LRRC19: variants seen among roughly 807,000 people sequenced by gnomAD.
LRRC19 encodes leucine-rich repeat-containing protein 19.
In LRRC19, 33 loss-of-function variants were observed where a neutral mutation model predicts 33.3. The observed-to-expected ratio is 0.99, with a 90% CI of 0.75 to 1.33. The LOEUF (loss-of-function observed/expected upper bound fraction) is 1.33. Among genes scored for constraint, LRRC19 ranks in the 40% most tolerant of loss-of-function variants. The pLI, the probability that LRRC19 is intolerant of heterozygous loss-of-function variation, is 0.00. For missense variants in LRRC19, 463 were observed against 417.3 expected (o/e 1.11, Z -0.95); for synonymous variants, 184 against 152.3 (o/e 1.21, Z -1.53).
chr9:27,004,924 A>C (rs1587334505), intron 1 of LRRC19, among the ~76,000 whole-genome samples: 2 of 152,302 alleles, frequency 1.3e-5, no homozygotes, highest in South Asian at 4.1e-4. Context: ...ATAAAGTTTC[A>C]AGTACATGTT....
In LRRC19 at chr9:26,995,830, T is replaced by G; in HGVS notation, c.804A>C (p.Lys268Asn). 1.9e-6 allele frequency: 3 copies of G among 1,603,870 alleles called. No individual in the cohort carries two copies. The highest frequency in any genetic ancestry group is 2.6e-6 in the Non-Finnish European group (3 of 1,174,908). ...TRNSEHEPLG[K>N]SWAFLVGVVV... ...CAACACCAACAAGAAAAGCCCAACT[T>G]TTTCCAAGAGGTTCATGTTCTTTAA... is the stretch of plus-strand genomic sequence containing the variant. The change falls in exon 5 of 5, where the codon AAA (lysine) becomes AAC (asparagine). Residue 268 changes from lysine (K) to asparagine (N), a missense_variant. Lys to Asn is a moderately conservative substitution (Grantham distance 94). Coordinates refer to ENST00000380055, the MANE Select transcript of LRRC19 (RefSeq NM_022901.3).
intron 1 of LRRC19, among the ~76,000 whole-genome samples, 163 bp downstream of exon 1, chr9:27,005,429 T>C (rs12339723): frequency 0.027 from 3,756 of 137,200 alleles, 173 homozygotes; most frequent in African/African-American, 0.095. Flanking sequence ...TGGCCATGTC[T>C]CAGGTATATA....
intron 1 of LRRC19, among the ~76,000 whole-genome samples, chr9:27,001,722 C>G (rs1160129700): frequency 6.6e-6 from 1 of 152,000 alleles, no homozygotes; most frequent in East Asian, 1.9e-4. Context: ...ATTATTAACC[C>G]CTTTTTAGAT....
chr9:27,000,018 C>T (rs913482041), intron 1 of LRRC19, among the ~76,000 whole-genome samples: 1 of 152,076 alleles, frequency 6.6e-6, no homozygotes, highest in Non-Finnish European at 1.5e-5. Context: ...CCATTTCCCC[C>T]CAGCCACTGG....
intron 3 of LRRC19, 75 bp from the exon 4 acceptor site, chr9:26,996,574 A>G (rs1327515057): frequency 5.7e-6 from 6 of 1,059,014 alleles, no homozygotes; most frequent in Non-Finnish European, 7.4e-6. Flanking sequence ...TGTTTTATCT[A>G]GAATTTTTGA....
chr9:26,999,770 C>CA (rs1486706908), intron 1 of LRRC19, 67 bp from the exon 2 acceptor site: 1 of 339,604 alleles, frequency 2.9e-6, no homozygotes, highest in Non-Finnish European at 4.6e-6. Context: ...TCTGTTTATT[C>CA]TTTTTTTTTT....
At chr9:26,996,977 G>A (rs1383350041) in intron 3 of LRRC19, among the ~76,000 whole-genome samples, 1 of 152,042 alleles carries the variant, frequency 6.6e-6, no homozygotes, top group African/African-American at 2.4e-5. Flanking sequence ...TTGGGAGGCC[G>A]AGGCGGGTGG....
chr9:26,995,731 A>G lies in LRRC19; in HGVS notation c.903T>C (p.Leu301=), dbSNP rs1320667899. 1 of 1,613,788 alleles carries G rather than the reference A, an allele frequency of 6.2e-7. No individual in the cohort carries two copies. The highest frequency in any genetic ancestry group is 8.5e-7 in the Non-Finnish European group (1 of 1,179,900). The change falls in exon 5 of 5, where the codon CTT becomes CTC. Residue 301 remains leucine, a synonymous_variant. Coordinates refer to ENST00000380055, the MANE Select transcript of LRRC19 (RefSeq NM_022901.3). ...IKCPIWYNIL[L]SYNHHRLEEH... ...CTTCCAGGCGATGATGATTATAACT[A>G]AGCAGAATATTGTACCATATTGGGC...
intron 1 of LRRC19, among the ~76,000 whole-genome samples, chr9:27,004,037 A>T (rs1828647178): frequency 6.6e-6 from 1 of 152,148 alleles, no homozygotes; most frequent in Non-Finnish European, 1.5e-5. Context: ...TTTTTTCCAG[A>T]AACAAATAGG....
chr9:26,998,938 G>A (rs1587320319), intron 2 of LRRC19, among the ~76,000 whole-genome samples: 1 of 152,288 alleles, frequency 6.6e-6, no homozygotes, highest in African/African-American at 2.4e-5. Context: ...AGGTTGCAGT[G>A]AGCTGAGATC....
intron 3 of LRRC19, 124 bp from the exon 4 acceptor site, chr9:26,996,623 G>A: frequency 1.8e-6 from 1 of 568,758 alleles, no homozygotes; most frequent in Non-Finnish European, 2.7e-6. Context: ...AGAAATTCCT[G>A]TTGTATTTGT....
intron 3 of LRRC19, among the ~76,000 whole-genome samples, chr9:26,996,770 A>G (rs10967650): frequency 6.6e-6 from 1 of 152,076 alleles, no homozygotes; most frequent in African/African-American, 2.4e-5. Flanking sequence ...CATGGTTACA[A>G]TCTGGATCTC....
At chr9:26,999,914 GCATGCACTAC>G (rs958521776) in intron 1 of LRRC19, among the ~76,000 whole-genome samples, 1 of 151,308 alleles carries the variant, frequency 6.6e-6, no homozygotes, top group African/African-American at 2.4e-5. Flanking sequence ...TGAAACACAA[GCATGCACTAC>G]CATGCCTGGC....
chr9:26,993,149 G>T lies in LRRC19; in HGVS notation c.*2372C>A. The T allele has an allele frequency of 6.6e-6, 1 of 151,882 alleles. No individual in the cohort carries two copies. The highest frequency in any genetic ancestry group is 6.6e-5 in the Admixed American group (1 of 15,258). The allele number at this position is 151,882 out of a possible 1,614,324, so 9.4% of individuals were successfully genotyped here. On this transcript the variant is annotated 3_prime_UTR_variant, in exon 5 of 5. Transcript: ENST00000380055. ...ATTTTATACCCATTTATTTTTCTTTGTGTAGTCAGATATTTATTGAATACC... is the reference window on the plus strand; with the variant it reads ...ATTTTATACCCATTTATTTTTCTTTTTGTAGTCAGATATTTATTGAATACC...
At chr9:27,003,454 C>G (rs1229098220) in intron 1 of LRRC19, among the ~76,000 whole-genome samples, 1 of 151,666 alleles carries the variant, frequency 6.6e-6, no homozygotes, top group Non-Finnish European at 1.5e-5. Flanking sequence ...ACCTGGGAGG[C>G]AGAAGTTGCA....
At chr9:26,996,170 G>T (rs1828144698) in intron 4 of LRRC19, 141 bp downstream of exon 4, 2 of 598,764 alleles carry the variant, frequency 3.3e-6, no homozygotes, top group South Asian at 8.3e-5. Flanking sequence ...TAGTTTGGAA[G>T]AGCAATATTT....
At position 26,997,974 on chromosome 9, in the gene LRRC19, A is replaced by C; in HGVS notation, c.349T>G (p.Phe117Val). 1 of 1,613,938 alleles carries C rather than the reference A, an allele frequency of 6.2e-7. No homozygotes were observed. The highest frequency in any genetic ancestry group is 8.5e-7 in the Non-Finnish European group (1 of 1,179,956). Reference protein sequence around the residue: ...NSIYVIQQGAFLGLNKLKQLY... With the variant: ...NSIYVIQQGAVLGLNKLKQLY... Reference sequence around the variant, plus strand: ...TGTTTTAGTTTATTTAAGCCTAAAAATGCACCCTGTTGAATTACATAGATG... The same window carrying C: ...TGTTTTAGTTTATTTAAGCCTAAAACTGCACCCTGTTGAATTACATAGATG... Residue 117 changes from phenylalanine to valine, a missense_variant, in exon 3 of 5, where the codon TTT becomes GTT. Physicochemically the swap from Phe to Val is conservative, Grantham distance 50. Transcript: ENST00000380055.
chr9:26,997,837 T>C lies in LRRC19; in HGVS notation c.486A>G (p.Val162=), dbSNP rs1320821409. 2 of 1,614,108 alleles carry C rather than the reference T, an allele frequency of 1.2e-6. No homozygotes were observed. Among genetic ancestry groups the C allele is most frequent in the Non-Finnish European group, 1.7e-6 (2 of 1,180,044 alleles). The change falls in exon 3 of 5, where the codon GTA becomes GTG. Residue 162 remains valine (V), a synonymous_variant. Transcript: ENST00000380055. ...LQGNLISYLD[V]PPLFHLELIT... ...TTAATTCCAGATGAAATAGTGGTGG[T>C]ACATCCAAATAGCTAATCAAATTGC...
chr9:26,993,502 A>G lies in LRRC19; in HGVS notation c.*2019T>C, dbSNP rs1587305792. The G allele has an allele frequency of 6.6e-6, 1 of 152,518 alleles. No homozygotes were observed. The highest frequency in any genetic ancestry group is 2.1e-4 in the South Asian group (1 of 4,830). The allele number at this position is 152,518 out of a possible 1,614,324, so 9.4% of individuals were successfully genotyped here. A position where few individuals can be genotyped will look rare whatever the true frequency, so the allele number is the denominator to read the frequency against. On this transcript the variant is annotated 3_prime_UTR_variant, in exon 5 of 5. Transcript: ENST00000380055. ...TAGTAAGTTCTTCTATTTTACAGGT[A>G]TATCATCCTAGTTTTTATTTTCTCT...
Sources: gnomAD v4.1 joint callset for allele counts (sites outside exome capture counted in the v4.1 genomes callset) on GRCh38, gnomAD v4.1.1 for gene constraint, MANE v1.5 for transcripts, NCBI Gene and HGNC (gene_info 2026-07-23, HGNC 2026-07-21) for gene names.